The following USP24 variants were observed in gnomAD, a reference collection of about 807,000 sequenced individuals.
USP24 encodes ubiquitin carboxyl-terminal hydrolase 24.
In USP24, 97 loss-of-function variants were observed where a neutral mutation model predicts 361.6. The observed-to-expected ratio is 0.27, with a 90% CI of 0.23 to 0.32. The LOEUF (loss-of-function observed/expected upper bound fraction) is 0.32. Among genes scored for constraint, USP24 ranks in the 10% least tolerant of loss-of-function variants. The pLI, the probability that USP24 is intolerant of heterozygous loss-of-function variation, is 1.00. For synonymous variants in USP24, 1,098 were observed against 1,124.6 expected (o/e 0.98, Z 0.47); for missense variants, 2,353 against 3,165.6 (o/e 0.74, Z 6.16).
chr1:55,137,971 G>A (rs546069959), intron 26 of USP24, 67 bp from the exon 27 acceptor site: 3 of 1,442,490 alleles, frequency 2.1e-6, no homozygotes, highest in Non-Finnish European at 2.9e-6. Context: ...AACTGTGAGT[G>A]AACATCTACT....
chr1:55,145,922 A>C, intron 20 of USP24, 76 bp downstream of exon 20: 1 of 1,047,084 alleles, frequency 9.6e-7, no homozygotes. Flanking sequence ...TCTGAGAAGG[A>C]GGATTAAAAG....
chr1:55,201,693 G>C (rs1450634171), intron 1 of USP24, among the ~76,000 whole-genome samples: 1 of 150,688 alleles, frequency 6.6e-6, no homozygotes, highest in Non-Finnish European at 1.5e-5. Flanking sequence ...CTATGACAGA[G>C]GTACAAAAAG....
intron 1 of USP24, among the ~76,000 whole-genome samples, chr1:55,207,551 T>TA (rs1252250338): frequency 2.0e-5 from 3 of 152,058 alleles, no homozygotes; most frequent in African/African-American, 7.2e-5. Context: ...AATACAACAA[T>TA]AAAAAATACA....
chr1:55,206,523 G>A (rs1051929989), intron 1 of USP24, among the ~76,000 whole-genome samples: 2 of 152,132 alleles, frequency 1.3e-5, no homozygotes, highest in Admixed American at 1.3e-4. Context: ...TGGAGACCTT[G>A]AAAGAAAAGG....
At chr1:55,198,960 A>T (rs1260751075) in intron 1 of USP24, among the ~76,000 whole-genome samples, 1 of 152,208 alleles carries the variant, frequency 6.6e-6, no homozygotes. Flanking sequence ...CAGTATAAAA[A>T]GATGAAAATA....
intron 67 of USP24, chr1:55,071,296 A>G (rs557105541): frequency 3.0e-6 from 3 of 991,148 alleles, no homozygotes; most frequent in Non-Finnish European, 3.6e-6. Flanking sequence ...TGGGTGTTCA[A>G]TACATATTTA....
In USP24 at chr1:55,098,353, T is replaced by C. The variant is rs2274539; in HGVS notation, c.5453+123A>G. 0.048 allele frequency: 45,741 copies of C among 956,664 alleles called. 1,416 individuals carry two copies. The highest frequency in any genetic ancestry group is 0.13 in the African/African-American group (7,991 of 60,270). The allele number at this position is 956,664 out of a possible 1,614,324, so 59.3% of individuals were successfully genotyped here. ...CAAAGAAATTTAAGTCACTAAATAC[T>C]TATAGATCTGTTGACAGGGAGAGAG... On this transcript the variant is annotated intron_variant, in intron 46 of 67. Transcript: ENST00000294383.
intron 1 of USP24, 101 bp from the exon 2 acceptor site, chr1:55,178,233 T>G: frequency 8.4e-7 from 1 of 1,184,576 alleles, no homozygotes; most frequent in East Asian, 2.6e-5. Context: ...CAATGGTAGC[T>G]ATTAATACCA....
intron 38 of USP24, among the ~76,000 whole-genome samples, chr1:55,111,779 C>T (rs2100555571): frequency 6.6e-6 from 1 of 152,102 alleles, no homozygotes; most frequent in African/African-American, 2.4e-5. Context: ...CTCACAATGA[C>T]CTCATCTCAG....
Position 55,097,613 on chromosome 1 carries a change from A to G in USP24, c.5700T>C (p.Tyr1900=), listed in dbSNP as rs1309120396. 6 of 1,564,448 alleles carry G rather than the reference A, an allele frequency of 3.8e-6. No individual in the cohort carries two copies. The highest frequency in any genetic ancestry group is 5.2e-6 in the Non-Finnish European group (6 of 1,155,302). ...AAAAAGTTACCCTTATTTGTTCATC[A>G]TATTTAATGGAGCGTCCGCTTTCCC... ...FDWESGRSIK[Y]DEQIRFPWML... Residue 1900 remains tyrosine, a synonymous_variant, in exon 48 of 68, where the codon TAT becomes TAC. Coordinates refer to ENST00000294383, the MANE Select transcript of USP24 (RefSeq NM_015306.3).
In USP24 at chr1:55,077,308, A is replaced by G; in HGVS notation, c.7315-8T>C. 2 of 1,549,760 alleles carry G rather than the reference A, an allele frequency of 1.3e-6. No individual in the cohort carries two copies. The highest frequency in any genetic ancestry group is 1.7e-6 in the Non-Finnish European group (2 of 1,143,766). On this transcript the variant is annotated splice_region_variant and splice_polypyrimidine_tract_variant and intron_variant, in intron 61 of 67. Transcript: ENST00000294383. ...AGCCGTTTCTAGTTGGTTCTGAAAT[A>G]TTTTTTAAAAGCATAAAAACTTCAG...
chr1:55,088,640 C>T (rs912221083), intron 55 of USP24, among the ~76,000 whole-genome samples: 15 of 151,916 alleles, frequency 9.9e-5, no homozygotes, highest in Admixed American at 5.9e-4. Flanking sequence ...TGAAGTCGAG[C>T]GGTAAGGAGT....
Position 55,177,834 on chromosome 1 carries a change from G to C in USP24, c.490+133C>G, listed in dbSNP as rs574595015. ...TTTGGTTCAAAGCTTTTCTTCTGCA[G>C]GAGATAAGTGAAGACTAAGAGAATA... On this transcript the variant is annotated intron_variant, in intron 2 of 67. Transcript: ENST00000294383. 1,266 of 781,522 alleles carry C rather than the reference G, an allele frequency of 1.6e-3. 3 individuals are homozygous for C. The highest frequency in any genetic ancestry group is 3.0e-3 in the Admixed American group (91 of 30,396). The allele number at this position is 781,522 out of a possible 1,614,324, so 48.4% of individuals were successfully genotyped here.
chr1:55,097,255 G>A, intron 48 of USP24, 83 bp from the exon 49 acceptor site: 1 of 1,446,770 alleles, frequency 6.9e-7, no homozygotes, highest in Non-Finnish European at 9.4e-7. Flanking sequence ...CAAATAAGAG[G>A]AAGTGTTTTC....
intron 5 of USP24, among the ~76,000 whole-genome samples, chr1:55,166,962 C>CCCATTATT: frequency 6.6e-6 from 1 of 152,150 alleles, no homozygotes; most frequent in Non-Finnish European, 1.5e-5. Context: ...AGCAGTAAAT[C>CCCATTATT]AGCAGAGATT....
In USP24 at chr1:55,121,129, G is replaced by A. The variant is rs539382523; in HGVS notation, c.4347+307C>T. Among the ~76,000 whole-genome samples the A allele has an allele frequency of 4.6e-5, 7 of 152,316 alleles. No homozygotes were observed. The East Asian group carries it at 1.2e-3, about 25-fold the overall frequency. On this transcript the variant is annotated intron_variant, in intron 37 of 67. Coordinates refer to ENST00000294383, the MANE Select transcript of USP24 (RefSeq NM_015306.3). ...ATCTTTCCTGATTCTGACCAACAAC[G>A]TGGATGCTTAGTGCCAGCTGCCCTT...
At chr1:55,182,644 C>T (rs925078231) in intron 1 of USP24, among the ~76,000 whole-genome samples, 11 of 152,178 alleles carry the variant, frequency 7.2e-5, no homozygotes, top group Non-Finnish European at 1.5e-4. Context: ...CAGCACAATT[C>T]TCACTTCTTT....
intron 1 of USP24, among the ~76,000 whole-genome samples, chr1:55,210,354 T>C (rs1182924556): frequency 2.6e-5 from 4 of 152,014 alleles, no homozygotes; most frequent in African/African-American, 9.7e-5. Flanking sequence ...AATTATTTCA[T>C]TTTTTTACTC....
chr1:55,199,627 G>A (rs949374718), intron 1 of USP24, among the ~76,000 whole-genome samples: 4 of 151,244 alleles, frequency 2.6e-5, no homozygotes, highest in African/African-American at 9.8e-5. Context: ...GTGTGTGAGA[G>A]AGAGAGAGAC....
Sources: gnomAD v4.1 joint callset for allele counts (sites outside exome capture counted in the v4.1 genomes callset) on GRCh38, gnomAD v4.1.1 for gene constraint, MANE v1.5 for transcripts, NCBI Gene and HGNC (gene_info 2026-07-23, HGNC 2026-07-21) for gene names.